Variants in ATG7 observed in about 807,000 individuals in gnomAD.
ATG7 encodes autophagy related 7.
In ATG7, 70 loss-of-function variants were observed where a neutral mutation model predicts 82.4. The ratio of observed to expected loss-of-function variants is 0.85; its 90% CI spans 0.70 to 1.04. The LOEUF is 1.04. Among genes scored for constraint, ATG7 ranks in the 50% least tolerant of loss-of-function variants. The probability of loss-of-function intolerance (pLI) is 0.00; values close to 1 mark genes in which losing one functional copy is unlikely to be tolerated. For synonymous variants in ATG7, 287 were observed against 313.0 expected (o/e 0.92, Z 0.88); for missense variants, 792 against 864.3 (o/e 0.92, Z 1.05).
chr3:11,549,129 T>C (rs956899719), intron 20 of ATG7, among the ~76,000 whole-genome samples: 3 of 152,194 alleles, frequency 2.0e-5, no homozygotes, highest in Admixed American at 6.5e-5. Flanking sequence ...ACTTTAAGTG[T>C]CCAGTTTGTT....
chr3:11,411,776 T>G (rs888478035), intron 19 of ATG7, among the ~76,000 whole-genome samples: 2 of 152,152 alleles, frequency 1.3e-5, no homozygotes, highest in East Asian at 3.8e-4. Flanking sequence ...ATGTCATATT[T>G]AAGAAATCAT....
chr3:11,320,313 T>G (rs936214852), intron 9 of ATG7, among the ~76,000 whole-genome samples: 13 of 151,996 alleles, frequency 8.6e-5, no homozygotes, highest in African/African-American at 3.1e-4. Flanking sequence ...GAGATGGAGT[T>G]TCACTCTTTG....
intron 16 of ATG7, among the ~76,000 whole-genome samples, chr3:11,361,353 C>T (rs1049570356): frequency 6.6e-6 from 1 of 151,198 alleles, no homozygotes; most frequent in African/African-American, 2.4e-5. Flanking sequence ...GGCACAATCT[C>T]GGCTCCCTGC....
At chr3:11,549,610 C>T (rs1001488625) in intron 20 of ATG7, among the ~76,000 whole-genome samples, 1 of 152,186 alleles carries the variant, frequency 6.6e-6, no homozygotes, top group African/African-American at 2.4e-5. Context: ...ATCCACTGTA[C>T]GGATACACCA....
downstream of ATG7, chr3:11,558,586 G>A (rs991860544): frequency 1.9e-6 from 3 of 1,604,034 alleles, no homozygotes; most frequent in Non-Finnish European, 2.5e-6. Flanking sequence ...AGTGACTGTG[G>A]CTGACCATGT....
Position 11,342,284 on chromosome 3 carries a change from G to C in ATG7, c.1125+5G>C. The stretch of plus-strand genomic sequence containing the variant: ...AATGTAGCTAGGACGTTGATGGTAA[G>C]TCGGAGGTGGGGGGTGCAAATGGCA... On this transcript the variant is annotated splice_donor_5th_base_variant and intron_variant, in intron 13 of 20. Transcript: ENST00000693202. 1 of 1,610,330 alleles carries C rather than the reference G, an allele frequency of 6.2e-7. No homozygotes were observed. The highest frequency in any genetic ancestry group is 2.2e-5 in the East Asian group (1 of 44,664).
intron 20 of ATG7, among the ~76,000 whole-genome samples, chr3:11,474,210 G>C (rs1024522797): frequency 2.0e-5 from 3 of 152,242 alleles, no homozygotes; most frequent in African/African-American, 7.2e-5. Flanking sequence ...TGGCAAGACA[G>C]ACAAGGCAGG....
intron 8 of ATG7, among the ~76,000 whole-genome samples, chr3:11,314,819 G>A (rs891541681): frequency 1.3e-5 from 2 of 152,018 alleles, no homozygotes; most frequent in Non-Finnish European, 2.9e-5. Context: ...TGTGCCTGTG[G>A]TCCCAGCTAC....
chr3:11,373,692 C>T (rs1426525137), intron 18 of ATG7, among the ~76,000 whole-genome samples: 1 of 152,176 alleles, frequency 6.6e-6, no homozygotes, highest in African/African-American at 2.4e-5. Context: ...GAGTTGCGGC[C>T]TGGCCTCTCT....
At chr3:11,463,833 C>A (rs1483399273) in intron 20 of ATG7, among the ~76,000 whole-genome samples, 1 of 152,104 alleles carries the variant, frequency 6.6e-6, no homozygotes, top group African/African-American at 2.4e-5. Context: ...CATATGTGGG[C>A]CCAGCTGGCT....
intron 20 of ATG7, among the ~76,000 whole-genome samples, chr3:11,551,422 C>T (rs1054968189): frequency 6.6e-6 from 1 of 152,186 alleles, no homozygotes; most frequent in African/African-American, 2.4e-5. Flanking sequence ...GATGTTGAAT[C>T]GTCCTATGCA....
At chr3:11,272,960 T>G (rs1181794252) in intron 1 of ATG7, among the ~76,000 whole-genome samples, 7 of 152,248 alleles carry the variant, frequency 4.6e-5, no homozygotes, top group African/African-American at 1.7e-4. Context: ...TAAGAATCAA[T>G]CCGGTAAGGT....
the ATG7 span, among the ~76,000 whole-genome samples, chr3:11,571,346 T>TCGCCGC: frequency 1.4e-4 from 21 of 152,158 alleles, no homozygotes; most frequent in African/African-American, 4.8e-4. Flanking sequence ...ACAGCCAGCA[T>TCGCCGC]CACTGCCACA....
intron 15 of ATG7, among the ~76,000 whole-genome samples, chr3:11,358,945 A>G (rs934040419): frequency 6.6e-5 from 10 of 152,248 alleles, no homozygotes; most frequent in African/African-American, 1.9e-4. Flanking sequence ...AGGGGCAACA[A>G]TGTTGAATAG....
rs2082410960 is a variant in ATG7, at chr3:11,426,944, T to C, written c.2079+18T>C. On this transcript the variant is annotated intron_variant, in intron 20 of 20. Coordinates refer to ENST00000693202, the MANE Select transcript of ATG7 (RefSeq NM_001349232.2). ...CTGCTGAGGTAAGAACAAAACAAGC[T>C]TTCTGTAGTGAAGACTGACATGCTT... The C allele has an allele frequency of 6.3e-7, 1 of 1,576,822 alleles. No homozygotes were observed. Among genetic ancestry groups the C allele is most frequent in the African/African-American group, 1.4e-5 (1 of 72,750 alleles).
At chr3:11,284,118 C>T (rs555865914) in intron 3 of ATG7, among the ~76,000 whole-genome samples, 1 of 152,168 alleles carries the variant, frequency 6.6e-6, no homozygotes. Context: ...TTCTCTCCCT[C>T]TGTTTTTTAT....
At position 11,347,860 on chromosome 3, in the gene ATG7, C is replaced by G. The variant is rs1243102262; in HGVS notation, c.1126-17C>G. ...ATGTTCATCAGAAACACACCATGAT[C>G]TCCTGTTTCCACACAGGGTTGGGGC... On this transcript the variant is annotated splice_polypyrimidine_tract_variant and intron_variant, in intron 13 of 20. Transcript: ENST00000693202. 6.2e-7 allele frequency: 1 copy of G among 1,609,340 alleles called. No homozygotes were observed. The highest frequency in any genetic ancestry group is 1.3e-5 in the African/African-American group (1 of 74,796).
At chr3:11,492,157 T>A (rs997014352) in intron 20 of ATG7, among the ~76,000 whole-genome samples, 11 of 152,120 alleles carry the variant, frequency 7.2e-5, no homozygotes, top group African/African-American at 2.7e-4. Context: ...TGGAATACAA[T>A]CTCCTGGTGC....
Position 11,369,439 on chromosome 3 carries a change from A to G in ATG7, c.1875+4705A>G, listed in dbSNP as rs147366353. ...TTCCCTCCCTCCAGCCATCCCCTCA[A>G]CAGGTAATCTGACTCTGCCAAGTGC... is the stretch of plus-strand genomic sequence containing the variant. On this transcript the variant is annotated intron_variant, in intron 18 of 20. Coordinates refer to ENST00000693202, the MANE Select transcript of ATG7 (RefSeq NM_001349232.2). Among the ~76,000 whole-genome samples the G allele has an allele frequency of 1.9e-4, 28 of 151,136 alleles. 1 individual carries two copies. Among genetic ancestry groups the G allele is most frequent in the South Asian group, 1.0e-3 (5 of 4,768 alleles).
Sources: gnomAD v4.1 joint callset for allele counts (sites outside exome capture counted in the v4.1 genomes callset) on GRCh38, gnomAD v4.1.1 for gene constraint, MANE v1.5 for transcripts, NCBI Gene and HGNC (gene_info 2026-07-23, HGNC 2026-07-21) for gene names.